NFASC: variants seen among roughly 807,000 people sequenced by gnomAD.
The protein encoded by NFASC is neurofascin.
Under a neutral mutation model 147.5 loss-of-function variants are expected in NFASC, and 43 were observed. The observed-to-expected ratio is 0.29, with a 90% CI of 0.23 to 0.38. The LOEUF (loss-of-function observed/expected upper bound fraction) is 0.38, where lower values mean the gene tolerates loss of function less well. NFASC is among the 10% of genes least tolerant of loss of function. The pLI, the probability that NFASC is intolerant of heterozygous loss-of-function variation, is 1.00. For missense variants in NFASC, 1,320 were observed against 1,689.0 expected (o/e 0.78, Z 3.83); for synonymous variants, 622 against 665.5 (o/e 0.93, Z 1.01).
At chr1:204,902,910 A>G (rs1157872497) in intron 1 of NFASC, among the ~76,000 whole-genome samples, 6 of 152,218 alleles carry the variant, frequency 3.9e-5, no homozygotes, top group Non-Finnish European at 7.3e-5. Context: ...GCAGGGAGGT[A>G]TGTGTGAATG....
chr1:204,993,524 C>T (rs1467522542), intron 24 of NFASC, among the ~76,000 whole-genome samples: 1 of 152,164 alleles, frequency 6.6e-6, no homozygotes, highest in Non-Finnish European at 1.5e-5. Context: ...CCTGGAAAAC[C>T]CTTGGCCGCA....
chr1:204,952,187 A>G, intron 5 of NFASC, 71 bp downstream of exon 5: 1 of 1,184,346 alleles, frequency 8.4e-7, no homozygotes, highest in South Asian at 1.3e-5. Context: ...ACTAAGGCAA[A>G]TGAGGCAGCA....
chr1:204,833,184 A>G (rs545451993), intron 1 of NFASC, among the ~76,000 whole-genome samples: 2 of 152,358 alleles, frequency 1.3e-5, no homozygotes, highest in East Asian at 1.9e-4. Context: ...TGGCGTAATA[A>G]CAATAGTCAC....
At chr1:204,985,019 C>T (rs950047610) in intron 21 of NFASC, among the ~76,000 whole-genome samples, 3 of 152,294 alleles carry the variant, frequency 2.0e-5, no homozygotes, top group South Asian at 2.1e-4. Context: ...AAGAAGGCAA[C>T]GTGATGTGTA....
In NFASC at chr1:204,951,994, C is replaced by T. The variant is rs1462628367; in HGVS notation, c.110-17C>T. ...GGTCCCTGCAGCCCTGACCATGCTC[C>T]CTGTGCACTGTTGCAGTGACGCAGC... On this transcript the variant is annotated splice_polypyrimidine_tract_variant and intron_variant, in intron 4 of 29. Coordinates refer to ENST00000339876, the MANE Select transcript of NFASC (RefSeq NM_001005388.3). 6.2e-7 allele frequency: 1 copy of T among 1,610,888 alleles called. No individual in the cohort carries two copies. Among genetic ancestry groups the T allele is most frequent in the Non-Finnish European group, 8.5e-7 (1 of 1,177,262 alleles).
rs2094330972 is a variant in NFASC at position 204,954,549 on chromosome 1, T to C, written c.412+165T>C. On this transcript the variant is annotated intron_variant, in intron 6 of 29. Transcript: ENST00000339876. This position sits in a 1 kb window ranked among gnomAD's most constrained non-coding sequence, Gnocchi z 5.7. ...CAGAATGATTCCCTGGAAAGGAAGC[T>C]CCCAAAGCTTCCTTTTGAAGTTGTT... Among the ~76,000 whole-genome samples the C allele has an allele frequency of 6.6e-6, 1 of 152,148 alleles. No individual in the cohort carries two copies. Among genetic ancestry groups the C allele is most frequent in the Non-Finnish European group, 1.5e-5 (1 of 68,022 alleles).
In NFASC at chr1:205,017,538, C is replaced by T. The variant is rs753522169; in HGVS notation, c.*999C>T. The T allele has an allele frequency of 1.3e-5, 2 of 152,676 alleles. No homozygotes were observed. The highest frequency in any genetic ancestry group is 2.4e-5 in the African/African-American group (1 of 41,446). The allele number at this position is 152,676 out of a possible 1,614,324, so 9.5% of individuals were successfully genotyped here. A position where few individuals can be genotyped will look rare whatever the true frequency, so the allele number is the denominator to read the frequency against. ...CCCAGGATGTAGATAGAGGGCCACA[C>T]CCACCCTGTCCAGAGTAGAGGGCAC... On this transcript the variant is annotated 3_prime_UTR_variant, in exon 30 of 30. Coordinates refer to ENST00000339876, the MANE Select transcript of NFASC (RefSeq NM_001005388.3).
At chr1:204,933,842 TATAAG>T (rs1204659616) in intron 2 of NFASC, among the ~76,000 whole-genome samples, 3 of 152,008 alleles carry the variant, frequency 2.0e-5, no homozygotes, top group Non-Finnish European at 4.4e-5. Context: ...ATCTTTTTGT[TATAAG>T]ATAGGAGAGG....
chr1:204,981,731 G>T, intron 20 of NFASC, 67 bp from the exon 21 acceptor site: 1 of 1,041,628 alleles, frequency 9.6e-7, no homozygotes. Context: ...AGCAAGAGAG[G>T]GCAAGCTGTG....
At chr1:204,928,876 C>G (rs1341147224) in intron 2 of NFASC, among the ~76,000 whole-genome samples, 2 of 152,056 alleles carry the variant, frequency 1.3e-5, no homozygotes, top group East Asian at 3.9e-4. Flanking sequence ...AACATGGCGC[C>G]TCATAAAGAG....
chr1:204,941,176 C>G (rs965133760), intron 2 of NFASC, among the ~76,000 whole-genome samples: 1 of 152,182 alleles, frequency 6.6e-6, no homozygotes, highest in Non-Finnish European at 1.5e-5. Context: ...CCAGTCACTT[C>G]CCTTCTCTCG....
Position 205,002,741 on chromosome 1 carries a change from C to G in NFASC, c.3282C>G (p.Thr1094=). Residue 1094 remains threonine, a synonymous_variant, in exon 27 of 30, where the codon ACC becomes ACG. Coordinates refer to ENST00000339876, the MANE Select transcript of NFASC (RefSeq NM_001005388.3). ...GCAGTACCGTCATCACCTTTATGAC[C>G]AGTACAGGTGAGAGGGGACCTGGCC... The part of the protein sequence containing the change: ...GISSTVITFM[T]STAYTNNQAD... 6.5e-7 allele frequency: 1 copy of G among 1,537,880 alleles called. No homozygotes were observed. The highest frequency in any genetic ancestry group is 8.9e-7 in the Non-Finnish European group (1 of 1,127,174).
In NFASC at chr1:205,018,657, A is replaced by T. The variant is rs2096379906; in HGVS notation, c.*2118A>T. On this transcript the variant is annotated 3_prime_UTR_variant, in exon 30 of 30. Coordinates refer to ENST00000339876, the MANE Select transcript of NFASC (RefSeq NM_001005388.3). Reference sequence around the variant, plus strand: ...TTCCTCCAACACCTGCTTGGATACTAGGCCCACTGTCCCTGAAGGGAATGT... The same window carrying T: ...TTCCTCCAACACCTGCTTGGATACTTGGCCCACTGTCCCTGAAGGGAATGT... 6.5e-6 allele frequency: 1 copy of T among 152,740 alleles called. No individual in the cohort carries two copies. Among genetic ancestry groups the T allele is most frequent in the African/African-American group, 2.4e-5 (1 of 41,466 alleles). The allele number at this position is 152,740 out of a possible 1,614,324, so 9.5% of individuals were successfully genotyped here. A position where few individuals can be genotyped will look rare whatever the true frequency, so the allele number is the denominator to read the frequency against.
chr1:204,988,471 C>T (rs923940157), intron 22 of NFASC, among the ~76,000 whole-genome samples, 162 bp from the exon 23 acceptor site: 4 of 152,184 alleles, frequency 2.6e-5, no homozygotes, highest in South Asian at 2.1e-4. Flanking sequence ...GAGTTCTTGC[C>T]GAGTGTTCTG....
At chr1:204,904,511 C>T (rs1289805025) in intron 1 of NFASC, among the ~76,000 whole-genome samples, 2 of 152,192 alleles carry the variant, frequency 1.3e-5, no homozygotes, top group South Asian at 4.1e-4. Context: ...TCTTAACTTT[C>T]CCTCACTGTT....
chr1:204,895,103 T>G lies in NFASC; in HGVS notation c.-199-25529T>G, dbSNP rs377002830. Among the ~76,000 whole-genome samples the G allele has an allele frequency of 1.1e-3, 172 of 152,304 alleles. 1 individual carries two copies. In the Middle Eastern group the frequency reaches 0.017, roughly 15 times the overall value. The stretch of plus-strand genomic sequence containing the variant: ...AAAACCTCTAGTCTAACATTCCAAA[T>G]GTTCTGTTTTTTCCAGTTCCTCTCC... On this transcript the variant is annotated intron_variant, in intron 1 of 29. Coordinates refer to ENST00000339876, the MANE Select transcript of NFASC (RefSeq NM_001005388.3).
At chr1:204,894,942 A>G (rs909616112) in intron 1 of NFASC, among the ~76,000 whole-genome samples, 1 of 152,166 alleles carries the variant, frequency 6.6e-6, no homozygotes, top group Non-Finnish European at 1.5e-5. Context: ...CTACCTAATT[A>G]CTAACAGTGT....
chr1:204,878,189 C>T (rs1002152787), intron 1 of NFASC, among the ~76,000 whole-genome samples: 30 of 152,292 alleles, frequency 2.0e-4, no homozygotes, highest in African/African-American at 7.2e-4. Flanking sequence ...GGTGTCAGCA[C>T]AGCACTAAAA....
intron 1 of NFASC, among the ~76,000 whole-genome samples, chr1:204,852,776 T>A (rs1464926027): frequency 6.6e-6 from 1 of 152,186 alleles, no homozygotes; most frequent in East Asian, 1.9e-4. Context: ...ACTCTGGGGG[T>A]ACTGCTGTGG....
Sources: allele counts gnomAD v4.1 joint callset (sites outside exome capture counted in the v4.1 genomes callset), GRCh38; gene constraint gnomAD v4.1.1; non-coding constraint Gnocchi (gnomAD v3.1); transcripts MANE v1.5; gene names NCBI Gene and HGNC (gene_info 2026-07-23, HGNC 2026-07-21).